TDRD5: variants seen among roughly 807,000 people sequenced by gnomAD.
The protein encoded by TDRD5 is tudor domain-containing protein 5.
TDRD5 carries 41 observed loss-of-function variants against 120.6 expected under a neutral mutation model. The ratio of observed to expected loss-of-function variants is 0.34; its 90% CI spans 0.26 to 0.44. TDRD5 has a LOEUF of 0.44. Ranked by LOEUF, TDRD5 falls within the 20% of genes least tolerant of loss-of-function variation. TDRD5 has a pLI of 1.00. For missense variants in TDRD5, 1,006 were observed against 1,221.2 expected (o/e 0.82, Z 2.63); for synonymous variants, 430 against 433.7 (o/e 0.99, Z 0.11).
chr1:179,647,145 C>T (rs1434660119), intron 11 of TDRD5, among the ~76,000 whole-genome samples: 2 of 148,554 alleles, frequency 1.3e-5, no homozygotes, highest in Non-Finnish European at 3.0e-5. Context: ...ATCGCCAAGT[C>T]AATCCTGAGC....
rs1185350436 is a variant in TDRD5 at position 179,650,966 on chromosome 1, A to G, written c.1900A>G (p.Ile634Val). The change falls in exon 12 of 18, where the codon ATT (isoleucine) becomes GTT (valine). Residue 634 changes from isoleucine to valine, a missense_variant. Around this residue, in one of 3 missense-constraint regions of TDRD5, gnomAD observed 158 missense variants for 257.5 expected, o/e 0.61. Coordinates refer to ENST00000444136, the MANE Select transcript of TDRD5 (RefSeq NM_001199085.3). Reference sequence around the variant, plus strand: ...TGAATATGTAGATGGAATCCTTAACATTTTTTTGTGTGACACATCCTCAAA... The same window carrying G: ...TGAATATGTAGATGGAATCCTTAACGTTTTTTTGTGTGACACATCCTCAAA... ...VDEYVDGILN[I>V]FLCDTSSNED... 3 of 1,614,010 alleles carry G rather than the reference A, an allele frequency of 1.9e-6. No individual in the cohort carries two copies. Among genetic ancestry groups the G allele is most frequent in the Admixed American group, 1.7e-5 (1 of 59,988 alleles).
chr1:179,660,058 T>C (rs1679217953), intron 14 of TDRD5, among the ~76,000 whole-genome samples: 1 of 152,098 alleles, frequency 6.6e-6, no homozygotes, highest in Non-Finnish European at 1.5e-5. Context: ...GTTTGGACTA[T>C]TTATGTTTAA....
At chr1:179,622,045 C>G (rs1417471732) in intron 6 of TDRD5, among the ~76,000 whole-genome samples, 4 of 152,162 alleles carry the variant, frequency 2.6e-5, no homozygotes, top group African/African-American at 9.7e-5. Flanking sequence ...TGTGTGCTAT[C>G]TTATAGACAG....
intron 6 of TDRD5, among the ~76,000 whole-genome samples, chr1:179,623,168 A>G (rs1676929105): frequency 6.6e-6 from 1 of 152,210 alleles, no homozygotes. Flanking sequence ...ATGATGAGAT[A>G]GACATTTTCA....
chr1:179,645,234 C>T (rs1434495741), intron 11 of TDRD5, among the ~76,000 whole-genome samples: 1 of 149,900 alleles, frequency 6.7e-6, no homozygotes, highest in East Asian at 1.9e-4. Context: ...TACAGGCGCC[C>T]GCCACTACGC....
chr1:179,603,607 T>C (rs1054180293), intron 4 of TDRD5, among the ~76,000 whole-genome samples: 1 of 152,210 alleles, frequency 6.6e-6, no homozygotes, highest in Admixed American at 6.5e-5. Flanking sequence ...TTTTGTTGAA[T>C]GCTTTTTCTG....
rs994005945 is a variant in TDRD5, at chr1:179,660,321, G to A, written c.2323-1783G>A. Among the ~76,000 whole-genome samples, 12 of 136,412 alleles carry A rather than the reference G, an allele frequency of 8.8e-5. 1 individual carries two copies. The highest frequency in any genetic ancestry group is 7.5e-4 in the East Asian group (3 of 4,022). 89.5% of individuals were successfully genotyped at this position (136,412 alleles called of 152,430 possible). The stretch of plus-strand genomic sequence containing the variant: ...TGCAAGCTCTGCCTCTCAGGTTCAC[G>A]CCATTCTCCTGCCTCAGCCTCCCGA... On this transcript the variant is annotated intron_variant, in intron 14 of 17. Transcript: ENST00000444136.
chr1:179,687,009 A>G (rs1680758436), intron 17 of TDRD5, among the ~76,000 whole-genome samples: 1 of 151,996 alleles, frequency 6.6e-6, no homozygotes, highest in Non-Finnish European at 1.5e-5. Context: ...GGATTCATTG[A>G]TTTTTTGAAG....
chr1:179,678,851 T>G (rs1680276881), intron 17 of TDRD5, among the ~76,000 whole-genome samples: 1 of 152,238 alleles, frequency 6.6e-6, no homozygotes, highest in Non-Finnish European at 1.5e-5. Flanking sequence ...CTTGTGAAAT[T>G]GTTTGCCATT....
At chr1:179,610,753 T>C (rs887961071) in intron 4 of TDRD5, among the ~76,000 whole-genome samples, 22 of 152,182 alleles carry the variant, frequency 1.4e-4, no homozygotes, top group African/African-American at 5.1e-4. Flanking sequence ...TACTTTTAAA[T>C]TCATTTTAAT....
rs1677393261 is a variant in TDRD5 at position 179,630,793 on chromosome 1, A to G, written c.999A>G (p.Pro333=). Residue 333 remains proline (P), a synonymous_variant, in exon 7 of 18, where the codon CCA becomes CCG. Transcript: ENST00000444136. ...TAATTTTTAAAGAGCAACTATCACC[A>G]AAAAAATTAGGCTTCTTAAATGTGA... ...YEVIFKEQLS[P]KKLGFLNVTE... The G allele has an allele frequency of 3.1e-6, 5 of 1,611,698 alleles. No individual in the cohort carries two copies. In the South Asian group the frequency reaches 4.4e-5, roughly 14 times the overall value.
At chr1:179,606,827 C>T (rs1676007936) in intron 4 of TDRD5, among the ~76,000 whole-genome samples, 1 of 152,102 alleles carries the variant, frequency 6.6e-6, no homozygotes, top group African/African-American at 2.4e-5. Context: ...ACCAGTACCA[C>T]ACTATTTGGT....
chr1:179,639,749 T>C, intron 9 of TDRD5, 90 bp from the exon 10 acceptor site: 2 of 1,384,092 alleles, frequency 1.4e-6, no homozygotes, highest in African/African-American at 1.5e-5. Context: ...CTTTGCTTTT[T>C]GCCAAGACTT....
chr1:179,672,562 G>T (rs753352117), intron 17 of TDRD5, among the ~76,000 whole-genome samples: 1 of 152,132 alleles, frequency 6.6e-6, no homozygotes, highest in Non-Finnish European at 1.5e-5. Flanking sequence ...TAACTCTGCT[G>T]ATTATTTCTT....
chr1:179,685,648 A>C (rs941644311), intron 17 of TDRD5, among the ~76,000 whole-genome samples: 1 of 152,190 alleles, frequency 6.6e-6, no homozygotes, highest in Non-Finnish European at 1.5e-5. Context: ...GGCCGTTTTC[A>C]TGATATTGAT....
intron 13 of TDRD5, 113 bp from the exon 14 acceptor site, chr1:179,654,088 T>C (rs1678863343): frequency 1.2e-6 from 1 of 814,166 alleles, no homozygotes; most frequent in Admixed American, 3.1e-5. Flanking sequence ...TATAAAATAA[T>C]GTAGCATTTG....
chr1:179,640,952 G>A (rs72706749), intron 11 of TDRD5, among the ~76,000 whole-genome samples: 5,770 of 152,236 alleles, frequency 0.038, 172 homozygotes, highest in East Asian at 0.11. Flanking sequence ...GCAATTAAAG[G>A]ATGTAAATAG....
chr1:179,691,063 T>C lies in TDRD5; in HGVS notation c.*120T>C. 7.5e-7 allele frequency: 1 copy of C among 1,339,404 alleles called. No homozygotes were observed. The highest frequency in any genetic ancestry group is 9.9e-7 in the Non-Finnish European group (1 of 1,010,312). 83.0% of individuals were successfully genotyped at this position (1,339,404 alleles called of 1,614,324 possible). A position where few individuals can be genotyped will look rare whatever the true frequency, so the allele number is the denominator to read the frequency against. On this transcript the variant is annotated 3_prime_UTR_variant, in exon 18 of 18. Coordinates refer to ENST00000444136, the MANE Select transcript of TDRD5 (RefSeq NM_001199085.3). ...TCTTGATCATTGATACTTTTGTCTT[T>C]CTGTGACTATATGTTAGCTTTATTA...
At chr1:179,603,525 C>A (rs542501545) in intron 4 of TDRD5, among the ~76,000 whole-genome samples, 1 of 152,118 alleles carries the variant, frequency 6.6e-6, no homozygotes, top group African/African-American at 2.4e-5. Context: ...TCATAGATGG[C>A]TTTTATTACA....
Sources: gnomAD v4.1 joint callset for allele counts (sites outside exome capture counted in the v4.1 genomes callset) on GRCh38, gnomAD v4.1.1 for gene constraint, gnomAD v4.1.1 regional missense constraint, MANE v1.5 for transcripts, NCBI Gene and HGNC (gene_info 2026-07-23, HGNC 2026-07-21) for gene names.